The following TNK2 variants were observed in gnomAD, a reference collection of about 807,000 sequenced individuals.
TNK2 encodes the protein activated CDC42 kinase 1.
Under a neutral mutation model 101.8 loss-of-function variants are expected in TNK2, and 83 were observed. That is an observed-to-expected ratio of 0.82 (90% CI 0.68 to 0.98). The LOEUF is 0.98. Ranked by LOEUF, TNK2 falls within the 50% of genes least tolerant of loss-of-function variation. The probability of loss-of-function intolerance (pLI) is 0.00; values close to 1 mark genes in which losing one functional copy is unlikely to be tolerated. For synonymous variants in TNK2, 804 were observed against 633.0 expected (o/e 1.27, Z -4.06); for missense variants, 1,665 against 1,483.2 (o/e 1.12, Z -2.01).
rs1254576994 is a variant in TNK2, at chr3:195,870,096, G to C, written c.1543+18C>G. 1 of 1,451,432 alleles carries C rather than the reference G, an allele frequency of 6.9e-7. No homozygotes were observed. The highest frequency in any genetic ancestry group is 1.4e-5 in the African/African-American group (1 of 69,796). 89.9% of individuals were successfully genotyped at this position (1,451,432 alleles called of 1,614,324 possible). A position where few individuals can be genotyped will look rare whatever the true frequency, so the allele number is the denominator to read the frequency against. On this transcript the variant is annotated intron_variant, in intron 11 of 15. Transcript: ENST00000672887. ...TAGCCGATGAGTTAGGGACACCAGG[G>C]AGCAGAGGGGCTCTTACTTTTCACC... is the stretch of plus-strand genomic sequence containing the variant.
intron 15 of TNK2, 139 bp downstream of exon 15, chr3:195,866,750 C>T (rs942486100): frequency 5.8e-5 from 73 of 1,261,220 alleles, no homozygotes; most frequent in Non-Finnish European, 7.1e-5. Context: ...GCCCTGTGAG[C>T]GCCTCCCTCC....
At position 195,867,425 on chromosome 3, in the gene TNK2, A is replaced by T; in HGVS notation, c.2873T>A (p.Leu958Gln). The T allele has an allele frequency of 6.2e-7, 1 of 1,601,462 alleles. No individual in the cohort carries two copies. Among genetic ancestry groups the T allele is most frequent in the Non-Finnish European group, 8.5e-7 (1 of 1,177,862 alleles). ...ATCGCCAGGGCAGCCCCTCTGTGGC[A>T]GCCGAGCAGTGGCCCTCGGGGGTGG... is the stretch of plus-strand genomic sequence containing the variant. ...RPPPPRATAR[L>Q]PQRGCPGDGP... is the part of the protein sequence containing the mutation. The change falls in exon 13 of 16, where the codon CTG (leucine) becomes CAG (glutamine). Residue 958 changes from leucine (L) to glutamine (Q), a missense_variant. Physicochemically the swap from Leu to Gln is moderately radical, Grantham distance 113. Transcript: ENST00000672887.
At chr3:195,869,747 C>T (rs1743662979) in intron 11 of TNK2, 2 of 617,496 alleles carry the variant, frequency 3.2e-6, no homozygotes, top group Non-Finnish European at 5.8e-6. Context: ...AGGCAGAGGA[C>T]CGGGAGATGG....
chr3:195,883,415 C>T, intron 4 of TNK2, 106 bp from the exon 5 acceptor site: 1 of 1,371,994 alleles, frequency 7.3e-7, no homozygotes, highest in Non-Finnish European at 1.0e-6. Context: ...TGCCTGTGAG[C>T]TCCTCATCTG....
At chr3:195,870,065 C>A in intron 11 of TNK2, 49 bp downstream of exon 11, 1 of 1,371,518 alleles carries the variant, frequency 7.3e-7, no homozygotes. Context: ...AGTGCCCCTT[C>A]CTGAGTAGCC....
chr3:195,884,556 T>C (rs952807804), intron 4 of TNK2: 8 of 435,726 alleles, frequency 1.8e-5, no homozygotes, highest in East Asian at 1.1e-4. Flanking sequence ...GGCAGGAGGA[T>C]TGCTTGAACC....
chr3:195,872,445 G>C lies in TNK2; in HGVS notation c.1282C>G (p.Gln428Glu). 1 of 1,605,628 alleles carries C rather than the reference G, an allele frequency of 6.2e-7. No homozygotes were observed. Among genetic ancestry groups the C allele is most frequent in the African/African-American group, 1.3e-5 (1 of 74,914 alleles). The stretch of plus-strand genomic sequence containing the variant: ...CCCACACACAGCGTCCGTGTGTTCT[G>C]GCCACGCCACCAGTAGTTCTCGGCC... ...GRAENYWWRG[Q>E]NTRTLCVGPF... The change falls in exon 10 of 16, where the codon CAG becomes GAG. Residue 428 changes from glutamine to glutamate, a missense_variant. This residue lies in a region of TNK2 where 1,136 missense variants were observed against 894.9 expected (regional missense o/e 1.27). Transcript: ENST00000672887.
chr3:195,889,501 G>A (rs1341818751), intron 1 of TNK2, among the ~76,000 whole-genome samples: 1 of 151,034 alleles, frequency 6.6e-6, no homozygotes, highest in Non-Finnish European at 1.5e-5. Context: ...GGACGCTTCA[G>A]ACTCTGTTGT....
chr3:195,876,992 C>T (rs1309451443), intron 9 of TNK2, among the ~76,000 whole-genome samples: 16 of 152,182 alleles, frequency 1.1e-4, no homozygotes, highest in African/African-American at 1.9e-4. Context: ...GCCAGGCCCA[C>T]GGCTTTCCAG....
chr3:195,866,856 C>T, intron 15 of TNK2, 33 bp downstream of exon 15: 4 of 1,600,826 alleles, frequency 2.5e-6, no homozygotes, highest in African/African-American at 1.3e-5. Flanking sequence ...CCTCCTGGGG[C>T]ACGGAGCGGG....
At chr3:195,893,201 TC>T (rs1759302754) in intron 1 of TNK2, among the ~76,000 whole-genome samples, 1 of 148,620 alleles carries the variant, frequency 6.7e-6, no homozygotes, top group Non-Finnish European at 1.5e-5. Flanking sequence ...CACCCCCGAG[TC>T]CCAGCCTTGG....
Position 195,868,418 on chromosome 3 carries a change from A to G in TNK2, c.1880T>C (p.Leu627Pro). 1 of 1,572,074 alleles carries G rather than the reference A, an allele frequency of 6.4e-7. No individual in the cohort carries two copies. The highest frequency in any genetic ancestry group is 8.6e-7 in the Non-Finnish European group (1 of 1,166,024). Residue 627 changes from leucine (L) to proline (P), a missense_variant, in exon 13 of 16, where the codon CTG (leucine) becomes CCG (proline). Coordinates refer to ENST00000672887, the MANE Select transcript of TNK2 (RefSeq NM_001382273.1). Reference protein sequence around the residue: ...ETPPQSPTRALPRPLHPTPVV... With the variant: ...ETPPQSPTRAPPRPLHPTPVV... The stretch of plus-strand genomic sequence containing the variant: ...AGGCGTGGGGTGCAGGGGCCGGGGC[A>G]GTGCCCGCGTGGGGCTCTGAGGCGG...
intron 6 of TNK2, among the ~76,000 whole-genome samples, chr3:195,881,553 C>T (rs1577062747): frequency 1.0e-5 from 1 of 99,718 alleles, no homozygotes; most frequent in African/African-American, 4.6e-5. Flanking sequence ...AGCAATGCCC[C>T]TTGAAGAGGA....
At chr3:195,898,401 A>G (rs1178544499) in intron 1 of TNK2, among the ~76,000 whole-genome samples, 2 of 152,136 alleles carry the variant, frequency 1.3e-5, no homozygotes, top group Admixed American at 6.6e-5. Context: ...TGGAATCCCC[A>G]TCATAAAACT....
At chr3:195,876,326 C>G in intron 9 of TNK2, 1 of 439,102 alleles carries the variant, frequency 2.3e-6, no homozygotes, top group East Asian at 7.0e-5. Context: ...GACTCCGCAC[C>G]AGGAAACAAA....
Position 195,868,575 on chromosome 3 carries a change from C to T in TNK2, c.1723G>A (p.Ala575Thr). The change falls in exon 13 of 16, where the codon GCC (alanine) becomes ACC (threonine). Residue 575 changes from alanine to threonine, a missense_variant. By Grantham distance (58) the Ala-to-Thr change is moderately conservative. Coordinates refer to ENST00000672887, the MANE Select transcript of TNK2 (RefSeq NM_001382273.1). ...ACCTCAGCCCCGCTGCCTCGGCTGG[C>T]CTTGGTGCCCGGCACCCGCGCCGAG... ...KPSARVPGTK[A>T]SRGSGAEVTL... 5 of 1,574,430 alleles carry T rather than the reference C, an allele frequency of 3.2e-6. No homozygotes were observed. The highest frequency in any genetic ancestry group is 4.3e-6 in the Non-Finnish European group (5 of 1,169,110).
At position 195,882,007 on chromosome 3, in the gene TNK2, TG is replaced by T; in HGVS notation, c.887+43del. 1 of 1,575,750 alleles carries T rather than the reference TG, an allele frequency of 6.3e-7. No individual in the cohort carries two copies. ...AGAAAGCCCCAGAAGCTTTGAGGCCTGGGTCTGCAGGGACTCTGTGAGCTGG... is the reference window on the plus strand; with the variant it reads ...AGAAAGCCCCAGAAGCTTTGAGGCCTGGTCTGCAGGGACTCTGTGAGCTGG... On this transcript the variant is annotated intron_variant, in intron 6 of 15. Transcript: ENST00000672887. This position sits in a 1 kb window ranked among gnomAD's most constrained non-coding sequence, Gnocchi z 4.2.
chr3:195,869,289 G>A (rs1275418790), intron 12 of TNK2: 48 of 623,134 alleles, frequency 7.7e-5, no homozygotes, highest in Middle Eastern at 8.5e-4. Flanking sequence ...CGGAAGCCAG[G>A]GCCACACTCG....
chr3:195,872,401 C>T lies in TNK2; in HGVS notation c.1326G>A (p.Val442=). 2 of 1,613,244 alleles carry T rather than the reference C, an allele frequency of 1.2e-6. No individual in the cohort carries two copies. The highest frequency in any genetic ancestry group is 1.7e-6 in the Non-Finnish European group (2 of 1,179,814). ...TLCVGPFPRN[V]VTSVAGLSAQ... ...CCGACAGGCCGGCCACGGAGGTCAC[C>T]ACGTTGCGAGGGAAGGGCCCCACAC... The change falls in exon 10 of 16, where the codon GTG becomes GTA. Residue 442 remains valine (V), a synonymous_variant. Coordinates refer to ENST00000672887, the MANE Select transcript of TNK2 (RefSeq NM_001382273.1).
Sources: gnomAD v4.1 joint callset for allele counts (sites outside exome capture counted in the v4.1 genomes callset) on GRCh38, gnomAD v4.1.1 for gene constraint, gnomAD v4.1.1 regional missense constraint, Gnocchi (gnomAD v3.1) non-coding constraint, MANE v1.5 for transcripts, NCBI Gene and HGNC (gene_info 2026-07-23, HGNC 2026-07-21) for gene names.